The following STXBP4 variants were observed in gnomAD, a reference collection of about 807,000 sequenced individuals.
STXBP4 encodes syntaxin-binding protein 4.
Under a neutral mutation model 76.1 loss-of-function variants are expected in STXBP4, and 55 were observed. The observed-to-expected ratio is 0.72, with a 90% CI of 0.58 to 0.91. The LOEUF (loss-of-function observed/expected upper bound fraction) is 0.91, where lower values mean the gene tolerates loss of function less well. STXBP4 is among the 40% of genes least tolerant of loss of function. The pLI, the probability that STXBP4 is intolerant of heterozygous loss-of-function variation, is 0.00. For missense variants in STXBP4, 618 were observed against 636.9 expected (o/e 0.97, Z 0.32); for synonymous variants, 201 against 220.2 (o/e 0.91, Z 0.77).
At position 54,980,030 on chromosome 17, in the gene STXBP4, C is replaced by CTT. The variant is rs3053510; in HGVS notation, c.-156-5583_-156-5582insTT. On this transcript the variant is annotated intron_variant, in intron 1 of 17. Transcript: ENST00000376352. ...CTACTTATTTGTTTGTGACAGGTGT[C>CTT]TGTGTGTGTGTTGTTAAGTAAAATG... Among the ~76,000 whole-genome samples, 4 of 151,882 alleles carry CTT rather than the reference C, an allele frequency of 2.6e-5. No individual in the cohort carries two copies. The East Asian group carries it at 7.7e-4, about 29-fold the overall frequency.
the STXBP4 span, among the ~76,000 whole-genome samples, chr17:55,194,128 A>G: frequency 4.6e-5 from 7 of 152,136 alleles, no homozygotes; most frequent in Non-Finnish European, 8.8e-5. Context: ...CATGAGGCAG[A>G]AATGATAATC....
Position 55,004,169 on chromosome 17 carries a change from C to T in STXBP4, c.574+3286C>T, listed in dbSNP as rs117936533. On this transcript the variant is annotated intron_variant, in intron 7 of 17. Transcript: ENST00000376352. Reference sequence around the variant, plus strand: ...CTGCACTCCAGCCTGGGTGACATAGCAAGATGCCATCTCAAAAAAAAAAAA... The same window carrying T: ...CTGCACTCCAGCCTGGGTGACATAGTAAGATGCCATCTCAAAAAAAAAAAA... Among the ~76,000 whole-genome samples the T allele has an allele frequency of 3.3e-3, 488 of 147,934 alleles. 11 individuals are homozygous for T. Among genetic ancestry groups the T allele is most frequent in the East Asian group, 0.026 (130 of 5,040 alleles).
At chr17:54,976,280 G>T (rs1001881883) in intron 1 of STXBP4, among the ~76,000 whole-genome samples, 1 of 152,182 alleles carries the variant, frequency 6.6e-6, no homozygotes, top group Non-Finnish European at 1.5e-5. Flanking sequence ...TTCCCACTGA[G>T]TTGGGCTGTG....
At chr17:55,078,661 C>A in intron 14 of STXBP4, 25 bp from the exon 15 acceptor site, 2 of 1,446,118 alleles carry the variant, frequency 1.4e-6, no homozygotes. Flanking sequence ...TGATATATCT[C>A]CTTCACCATC....
At chr17:55,055,931 T>C (rs2078918325) in intron 12 of STXBP4, among the ~76,000 whole-genome samples, 2 of 152,216 alleles carry the variant, frequency 1.3e-5, no homozygotes, top group South Asian at 4.1e-4. Context: ...ATCTTGGATT[T>C]GTTCTCTGAT....
chr17:55,208,959 G>A, the STXBP4 span, among the ~76,000 whole-genome samples: 1 of 151,770 alleles, frequency 6.6e-6, no homozygotes, highest in African/African-American at 2.4e-5. Flanking sequence ...GTGGGCACCT[G>A]TAATCCCAGT....
chr17:55,002,892 T>A (rs1401010436), intron 7 of STXBP4, among the ~76,000 whole-genome samples: 1 of 152,234 alleles, frequency 6.6e-6, no homozygotes, highest in African/African-American at 2.4e-5. Flanking sequence ...CTGTTACTAA[T>A]AATATGGAAC....
chr17:55,116,127 A>G (rs1445199049), intron 16 of STXBP4, among the ~76,000 whole-genome samples: 5 of 151,856 alleles, frequency 3.3e-5, no homozygotes, highest in Admixed American at 6.6e-5. Flanking sequence ...TTAATGAAAC[A>G]TACACATTTA....
chr17:55,097,456 G>A (rs1359814823), intron 16 of STXBP4, among the ~76,000 whole-genome samples: 8 of 152,164 alleles, frequency 5.3e-5, no homozygotes, highest in South Asian at 2.1e-4. Flanking sequence ...GAGGTCAGGA[G>A]ATCGAGACCA....
intron 17 of STXBP4, among the ~76,000 whole-genome samples, chr17:55,158,795 A>C (rs866353875): frequency 1.3e-5 from 2 of 152,244 alleles, no homozygotes; most frequent in Non-Finnish European, 2.9e-5. Context: ...AAGGAGCTTT[A>C]TATGAAATAG....
intron 10 of STXBP4, among the ~76,000 whole-genome samples, chr17:55,038,482 T>A (rs1278178044): frequency 6.6e-6 from 1 of 152,176 alleles, no homozygotes; most frequent in Non-Finnish European, 1.5e-5. Context: ...ATCTTTTAAG[T>A]AGGAATTGCT....
chr17:55,031,096 A>G (rs1219517494), intron 8 of STXBP4, 72 bp from the exon 9 acceptor site: 4 of 1,172,420 alleles, frequency 3.4e-6, no homozygotes, highest in Non-Finnish European at 5.0e-6. Context: ...CCTGGGTTGT[A>G]AAGTTTGTAA....
chr17:55,102,194 G>T (rs924844655), intron 16 of STXBP4, among the ~76,000 whole-genome samples: 12 of 151,638 alleles, frequency 7.9e-5, no homozygotes, highest in African/African-American at 2.9e-4. Flanking sequence ...TGTTACATGG[G>T]TATACACATG....
chr17:55,036,140 C>T (rs1598243807), intron 10 of STXBP4, among the ~76,000 whole-genome samples: 1 of 151,850 alleles, frequency 6.6e-6, no homozygotes, highest in East Asian at 1.9e-4. Flanking sequence ...ATGTTATGTC[C>T]TTTGACATCA....
At chr17:55,189,658 A>G in the STXBP4 span, among the ~76,000 whole-genome samples, 9 of 152,236 alleles carry the variant, frequency 5.9e-5, no homozygotes, top group Non-Finnish European at 1.3e-4. Context: ...ATAAACCTAT[A>G]CAAGTAATTA....
At chr17:55,081,698 G>T (rs1021085584) in intron 16 of STXBP4, among the ~76,000 whole-genome samples, 2 of 152,142 alleles carry the variant, frequency 1.3e-5, no homozygotes, top group African/African-American at 2.4e-5. Flanking sequence ...AAATGGCTTG[G>T]AATAGCTGAA....
chr17:55,147,648 T>C (rs2080172027), intron 17 of STXBP4, among the ~76,000 whole-genome samples: 1 of 152,224 alleles, frequency 6.6e-6, no homozygotes, highest in Non-Finnish European at 1.5e-5. Flanking sequence ...AATTCTATTC[T>C]TTATCACATA....
At chr17:55,005,431 G>T (rs756731031) in intron 7 of STXBP4, among the ~76,000 whole-genome samples, 1 of 152,134 alleles carries the variant, frequency 6.6e-6, no homozygotes, top group Non-Finnish European at 1.5e-5. Context: ...TGGTCATTTT[G>T]AAGATTAATG....
At chr17:55,102,213 G>A (rs113291253) in intron 16 of STXBP4, among the ~76,000 whole-genome samples, 1,774 of 151,814 alleles carry the variant, frequency 0.012, 22 homozygotes, top group Non-Finnish European at 0.019. Context: ...TGCCATGGTG[G>A]TTTGCTGCAG....
Sources: gnomAD v4.1 joint callset for allele counts (sites outside exome capture counted in the v4.1 genomes callset) on GRCh38, gnomAD v4.1.1 for gene constraint, MANE v1.5 for transcripts, NCBI Gene and HGNC (gene_info 2026-07-23, HGNC 2026-07-21) for gene names.